UTP4: variants seen among roughly 807,000 people sequenced by gnomAD.
UTP4 encodes UTP4 small subunit processome component.
UTP4 carries 45 observed loss-of-function variants against 82.4 expected under a neutral mutation model. The ratio of observed to expected loss-of-function variants is 0.55; its 90% CI spans 0.43 to 0.70. The LOEUF (loss-of-function observed/expected upper bound fraction) is 0.70. UTP4 is among the 30% of genes least tolerant of loss of function. The pLI is 0.00. For missense variants in UTP4, 819 were observed against 858.3 expected, an observed-to-expected ratio of 0.95 and a Z score of 0.57; for synonymous variants, 348 against 300.3, an observed-to-expected ratio of 1.16 and a Z score of -1.64.
intron 3 of UTP4, 135 bp downstream of exon 3, chr16:69,137,022 T>A: frequency 1.3e-6 from 1 of 797,826 alleles, no homozygotes; most frequent in Non-Finnish European, 2.2e-6. Flanking sequence ...GAATTGATAG[T>A]GAAGATTTTA....
At chr16:69,153,445 A>G (rs887553428) in intron 8 of UTP4, 139 bp from the exon 9 acceptor site, 1 of 703,404 alleles carries the variant, frequency 1.4e-6, no homozygotes. Flanking sequence ...TGCCTGGCAT[A>G]TGGGAGTACT....
intron 12 of UTP4, among the ~76,000 whole-genome samples, chr16:69,158,161 CTTTTTTTTTTTTT>C (rs34392768): frequency 0.012 from 473 of 40,450 alleles, 16 homozygotes; most frequent in African/African-American, 0.041. Context: ...AAAGTCAACT[CTTTTTTTTTTTTT>C]TTTTTTTTTT....
Position 69,164,586 on chromosome 16 carries a change from T to TTATATATA in UTP4, c.1648-733_1648-726dup, listed in dbSNP as rs58927210. ...TAGAAATTTCAGTTCTAATCATTCTTTATATATATATATATATATATATAT... is the reference window on the plus strand; with the variant it reads ...TAGAAATTTCAGTTCTAATCATTCTTTATATATATATATATATATATATATATATATAT... On this transcript the variant is annotated intron_variant, in intron 14 of 16. Transcript: ENST00000314423. 9.4e-3 allele frequency among the ~76,000 whole-genome samples: 1,242 copies of TTATATATA among 132,424 alleles called. 7 individuals carry two copies. The highest frequency in any genetic ancestry group is 0.012 in the Non-Finnish European group (748 of 62,996). 86.9% of individuals were successfully genotyped at this position (132,424 alleles called of 152,430 possible). A position where few individuals can be genotyped will look rare whatever the true frequency, so the allele number is the denominator to read the frequency against.
Position 69,163,094 on chromosome 16 carries a change from G to C in UTP4, c.1563G>C (p.Thr521=). The C allele has an allele frequency of 6.2e-7, 1 of 1,613,788 alleles. No homozygotes were observed. The highest frequency in any genetic ancestry group is 8.5e-7 in the Non-Finnish European group (1 of 1,179,754). The change falls in exon 14 of 17, where the codon ACG becomes ACC. Residue 521 remains threonine, a synonymous_variant. Coordinates refer to ENST00000314423, the MANE Select transcript of UTP4 (RefSeq NM_032830.3). ...YNVKQLKLHC[T]VPAYNFPVTA... ...TTATTTGTTCCCAGCTTCACTGCAC[G>C]GTGCCTGCTTACAATTTCCCAGTGA...
chr16:69,143,068 G>C, intron 5 of UTP4, 110 bp from the exon 6 acceptor site: 1 of 1,115,876 alleles, frequency 9.0e-7, no homozygotes, highest in Non-Finnish European at 1.4e-6. Flanking sequence ...TCGTTGCCTA[G>C]GCTGGCCTTA....
intron 6 of UTP4, among the ~76,000 whole-genome samples, chr16:69,146,892 A>C (rs1963125352): frequency 3.3e-5 from 5 of 149,786 alleles, no homozygotes; most frequent in African/African-American, 1.2e-4. Flanking sequence ...AGTCCCAGCT[A>C]CTCGTGAGGC....
intron 12 of UTP4, 45 bp from the exon 13 acceptor site, chr16:69,160,311 T>C (rs2152283058): frequency 6.7e-7 from 1 of 1,483,686 alleles, no homozygotes; most frequent in Non-Finnish European, 9.4e-7. Context: ...GGTCTGGCTG[T>C]GGACACTGTG....
At chr16:69,163,004 C>A in intron 13 of UTP4, 79 bp from the exon 14 acceptor site, 1 of 1,130,690 alleles carries the variant, frequency 8.8e-7, no homozygotes, top group South Asian at 1.2e-5. Context: ...GTATTTAAAC[C>A]CCTGACCTAG....
Position 69,155,858 on chromosome 16 carries a change from C to A in UTP4, c.1165-13C>A. ...TTTAATTGCACATTCATCTTGATTC[C>A]TGATATTGCCAGGGTCCTGAGAACA... On this transcript the variant is annotated splice_polypyrimidine_tract_variant and intron_variant, in intron 10 of 16. Coordinates refer to ENST00000314423, the MANE Select transcript of UTP4 (RefSeq NM_032830.3). The A allele has an allele frequency of 6.2e-7, 1 of 1,614,114 alleles. No individual in the cohort carries two copies. Among genetic ancestry groups the A allele is most frequent in the African/African-American group, 1.3e-5 (1 of 75,034 alleles).
chr16:69,155,415 T>A (rs1323739746), intron 10 of UTP4, among the ~76,000 whole-genome samples: 1 of 152,172 alleles, frequency 6.6e-6, no homozygotes, highest in Non-Finnish European at 1.5e-5. Context: ...ATCCTCCACC[T>A]CAGCCTCCCA....
rs1435324492 is a variant in UTP4 at position 69,155,948 on chromosome 16, T to A, written c.1242T>A (p.Phe414Leu). 5.6e-6 allele frequency: 9 copies of A among 1,614,032 alleles called. No homozygotes were observed. The highest frequency in any genetic ancestry group is 7.6e-6 in the Non-Finnish European group (9 of 1,180,012). ...WIAYSTVSRF[F>L]LYRLNYEHDN... ...CCTATTCTACAGTTTCTCGGTTTTT[T>A]CTCTATCGGCTGAATTATGAACATG... The change falls in exon 11 of 17, where the codon TTT becomes TTA. Residue 414 changes from phenylalanine to leucine, a missense_variant. Transcript: ENST00000314423.
chr16:69,149,545 C>T (rs77546217), intron 6 of UTP4, among the ~76,000 whole-genome samples: 18 of 151,802 alleles, frequency 1.2e-4, no homozygotes, highest in African/African-American at 4.1e-4. Flanking sequence ...AGCGAAACTC[C>T]GTCTCAAAAA....
chr16:69,159,273 G>T (rs981634671), intron 12 of UTP4, among the ~76,000 whole-genome samples: 2 of 152,018 alleles, frequency 1.3e-5, no homozygotes, highest in Admixed American at 1.3e-4. Flanking sequence ...TAGAGATGGG[G>T]TTTCACCATC....
chr16:69,167,011 G>C, intron 15 of UTP4, 64 bp from the exon 16 acceptor site: 1 of 1,091,562 alleles, frequency 9.2e-7, no homozygotes, highest in Middle Eastern at 2.0e-4. Context: ...ATGCACTACA[G>C]ATCTTTGGTC....
chr16:69,143,773 A>G (rs1963032719), intron 6 of UTP4, among the ~76,000 whole-genome samples: 1 of 152,306 alleles, frequency 6.6e-6, no homozygotes, highest in Admixed American at 6.5e-5. Context: ...TATATTACCC[A>G]AGGTGGTCTT....
intron 2 of UTP4, among the ~76,000 whole-genome samples, chr16:69,136,008 A>G (rs1397211197): frequency 2.6e-5 from 4 of 152,202 alleles, no homozygotes; most frequent in African/African-American, 9.6e-5. Context: ...CAGCCTGGGC[A>G]ATAAGAGCGA....
chr16:69,167,997 C>T (rs1485641674), intron 16 of UTP4, among the ~76,000 whole-genome samples: 1 of 150,826 alleles, frequency 6.6e-6, no homozygotes, highest in African/African-American at 2.4e-5. Flanking sequence ...TGGGTAACAT[C>T]GAGATTCTGT....
intron 15 of UTP4, chr16:69,166,456 T>G (rs1890358828): frequency 1.3e-5 from 2 of 152,846 alleles, no homozygotes; most frequent in East Asian, 1.9e-4. Flanking sequence ...TGAGCCCAGA[T>G]CATTTTTTCC....
intron 2 of UTP4, 75 bp downstream of exon 2, chr16:69,133,693 T>TATA (rs1962722146): frequency 2.0e-6 from 3 of 1,491,206 alleles, no homozygotes; most frequent in East Asian, 4.5e-5. Flanking sequence ...GTATGTCTTT[T>TATA]ATAATCAAAC....
Sources: gnomAD v4.1 joint callset for allele counts (sites outside exome capture counted in the v4.1 genomes callset) on GRCh38, gnomAD v4.1.1 for gene constraint, MANE v1.5 for transcripts, NCBI Gene and HGNC (gene_info 2026-07-23, HGNC 2026-07-21) for gene names.